Variants in SYBU observed in about 807,000 individuals in gnomAD.
SYBU encodes the protein GOLSYN A protein.
In SYBU, 21 loss-of-function variants were observed where a neutral mutation model predicts 35.9. The observed-to-expected ratio is 0.58, with a 90% CI of 0.41 to 0.84. The LOEUF (loss-of-function observed/expected upper bound fraction) is 0.84, where lower values mean the gene tolerates loss of function less well. SYBU is among the 40% of genes least tolerant of loss of function. SYBU has a pLI of 0.00. For missense variants in SYBU, 768 were observed against 848.2 expected (o/e 0.91, Z 1.17); for synonymous variants, 319 against 324.3 (o/e 0.98, Z 0.18).
intron 1 of SYBU, among the ~76,000 whole-genome samples, chr8:109,661,481 A>T (rs775837856): frequency 6.6e-6 from 1 of 152,220 alleles, no homozygotes; most frequent in Non-Finnish European, 1.5e-5. Flanking sequence ...TCCCTCTTTC[A>T]TTCACAGGGT....
chr8:109,618,233 T>C (rs1228425694), intron 3 of SYBU, among the ~76,000 whole-genome samples: 3 of 152,228 alleles, frequency 2.0e-5, no homozygotes, highest in African/African-American at 7.2e-5. Context: ...ATAGTGCAGA[T>C]TCTGAGAATT....
intron 2 of SYBU, among the ~76,000 whole-genome samples, chr8:109,638,135 T>C (rs1384942146): frequency 1.3e-5 from 2 of 152,230 alleles, no homozygotes; most frequent in Non-Finnish European, 2.9e-5. Flanking sequence ...TTGTTCCACC[T>C]GCCATGTTTA....
At chr8:109,587,068 A>G (rs1823703156) in intron 3 of SYBU, among the ~76,000 whole-genome samples, 1 of 152,184 alleles carries the variant, frequency 6.6e-6, no homozygotes, top group African/African-American at 2.4e-5. Context: ...GAATTTTTTA[A>G]AAACGTGAAG....
intron 2 of SYBU, among the ~76,000 whole-genome samples, chr8:109,628,682 G>A (rs919991584): frequency 1.3e-5 from 2 of 151,538 alleles, no homozygotes; most frequent in Admixed American, 6.6e-5. Context: ...TTTTTTTAAA[G>A]TTAGCTGGTC....
upstream of SYBU, chr8:109,645,945 A>C (rs758485290): frequency 2.6e-5 from 4 of 152,564 alleles, no homozygotes; most frequent in Non-Finnish European, 4.4e-5. Flanking sequence ...CTGATTGAAC[A>C]GAACTTTCCA....
rs190451882 is a variant in SYBU at position 109,633,087 on chromosome 8, C to A, written c.229+9641G>T. Among the ~76,000 whole-genome samples the A allele has an allele frequency of 4.4e-4, 67 of 152,282 alleles. 1 individual carries two copies. The highest frequency in any genetic ancestry group is 1.6e-3 in the African/African-American group (65 of 41,552). ...TACATCATATAAATGTGATTAGCTC[C>A]GGTCTGATATATGTGTTTGTATATT... On this transcript the variant is annotated intron_variant, in intron 2 of 6. Coordinates refer to ENST00000276646, the MANE Select transcript of SYBU (RefSeq NM_001099754.2).
chr8:109,635,770 A>G (rs1266378017), intron 2 of SYBU, among the ~76,000 whole-genome samples: 1 of 152,122 alleles, frequency 6.6e-6, no homozygotes, highest in African/African-American at 2.4e-5. Flanking sequence ...GGCAGACTCC[A>G]GTCACTCCTG....
chr8:109,594,203 AG>A (rs1212748333), intron 3 of SYBU, among the ~76,000 whole-genome samples: 2 of 152,136 alleles, frequency 1.3e-5, no homozygotes, highest in Admixed American at 1.3e-4. Context: ...AGGCATTCAT[AG>A]GGGAGGAAGG....
At chr8:109,644,193 G>T in intron 1 of SYBU, 1 of 464,660 alleles carries the variant, frequency 2.2e-6, no homozygotes, top group South Asian at 1.5e-5. Flanking sequence ...CGCAGCCTCG[G>T]ATTCGCCCTG....
intron 1 of SYBU, chr8:109,680,649 G>T (rs1817371023): frequency 1.3e-5 from 2 of 152,188 alleles, no homozygotes; most frequent in Admixed American, 1.3e-4. Flanking sequence ...ACAAATCTTT[G>T]ACAAGAATAT....
chr8:109,671,723 C>G (rs1319549785), intron 1 of SYBU, among the ~76,000 whole-genome samples: 1 of 152,124 alleles, frequency 6.6e-6, no homozygotes, highest in Non-Finnish European at 1.5e-5. Flanking sequence ...ATTTAGGCTT[C>G]TTGCAAGAAG....
chr8:109,583,330 C>A (rs1563682285), intron 4 of SYBU, among the ~76,000 whole-genome samples: 1 of 152,158 alleles, frequency 6.6e-6, no homozygotes, highest in Non-Finnish European at 1.5e-5. Context: ...TAACCTCAAT[C>A]CCAGGTCTGT....
chr8:109,621,017 C>T (rs544001612), intron 2 of SYBU, among the ~76,000 whole-genome samples: 171 of 152,276 alleles, frequency 1.1e-3, no homozygotes, highest in Middle Eastern at 3.4e-3. Flanking sequence ...CTGTCTTTAA[C>T]ATTATTTCCT....
chr8:109,644,583 GCAGTGCCCGCCTTCCCCGCCCTC>G, intron 1 of SYBU, 30 bp downstream of exon 1: 1 of 1,528,252 alleles, frequency 6.5e-7, no homozygotes, highest in Non-Finnish European at 8.8e-7. Flanking sequence ...TTCTCGCCCC[GCAGTGCCCGCCTTCCCCGCCCTC>G]CAGTGCCCGC....
intron 3 of SYBU, among the ~76,000 whole-genome samples, chr8:109,604,488 C>T (rs766381285): frequency 1.2e-4 from 18 of 152,130 alleles, no homozygotes; most frequent in Non-Finnish European, 1.8e-4. Flanking sequence ...TGGTCACTGC[C>T]TAGCACATTA....
rs1282405275 is a variant in SYBU at position 109,663,258 on chromosome 8, C to CATACAGATAGATAGAT, written c.-129+17452_-129+17453insATCTATCTATCTGTAT. Among the ~76,000 whole-genome samples the CATACAGATAGATAGAT allele has an allele frequency of 8.7e-3, 1,291 of 149,118 alleles. 16 individuals carry two copies. The highest frequency in any genetic ancestry group is 0.028 in the East Asian group (138 of 4,990). ...AGGGTCAGTTTAATAAAAATACATA[C>CATACAGATAGATAGAT]AGATAGATAGATAGATAGATAGATA... is the stretch of plus-strand genomic sequence containing the variant. On this transcript the variant is annotated intron_variant, in intron 1 of 5. Transcript: ENST00000408889.
intron 3 of SYBU, among the ~76,000 whole-genome samples, chr8:109,597,460 GTAATCCC>G (rs1472030297): frequency 2.0e-5 from 3 of 152,130 alleles, no homozygotes; most frequent in Admixed American, 1.3e-4. Flanking sequence ...GCTCCCGTCT[GTAATCCC>G]AGCACTTTGG....
chr8:109,586,670 C>T (rs1823656864), intron 3 of SYBU: 1 of 153,198 alleles, frequency 6.5e-6, no homozygotes, highest in Admixed American at 6.5e-5. Context: ...GCCTGGGCTC[C>T]CAGACTGCTG....
intron 3 of SYBU, among the ~76,000 whole-genome samples, chr8:109,611,911 T>A (rs983504217): frequency 2.0e-5 from 3 of 152,244 alleles, no homozygotes; most frequent in Non-Finnish European, 4.4e-5. Flanking sequence ...ATATGGACTG[T>A]ATCAGCTAAT....
Sources: gnomAD v4.1 joint callset for allele counts (sites outside exome capture counted in the v4.1 genomes callset) on GRCh38, gnomAD v4.1.1 for gene constraint, MANE v1.5 for transcripts, NCBI Gene and HGNC (gene_info 2026-07-23, HGNC 2026-07-21) for gene names.